The following GPD2 variants were observed in gnomAD, a reference collection of about 807,000 sequenced individuals.
The protein encoded by GPD2 is glycerol-3-phosphate dehydrogenase 2.
Under a neutral mutation model 82.4 loss-of-function variants are expected in GPD2, and 54 were observed. That is an observed-to-expected ratio of 0.66 (90% CI 0.53 to 0.82). The LOEUF (loss-of-function observed/expected upper bound fraction) is 0.82, where lower values mean the gene tolerates loss of function less well. GPD2 is among the 40% of genes least tolerant of loss of function. The pLI is 0.00. For synonymous variants in GPD2, 288 were observed against 306.1 expected (o/e 0.94, Z 0.62); for missense variants, 748 against 896.2 (o/e 0.83, Z 2.11).
intron 6 of GPD2, among the ~76,000 whole-genome samples, chr2:156,537,853 T>C (rs2105316893): frequency 6.6e-6 from 1 of 152,364 alleles, no homozygotes; most frequent in East Asian, 1.9e-4. Flanking sequence ...TCAAACTGTT[T>C]AGAATATTAG....
At chr2:156,520,927 G>C (rs564718217) in intron 6 of GPD2, among the ~76,000 whole-genome samples, 1 of 152,194 alleles carries the variant, frequency 6.6e-6, no homozygotes, top group South Asian at 2.1e-4. Context: ...ATTATGTGAT[G>C]GTTACATAAG....
intron 1 of GPD2, among the ~76,000 whole-genome samples, chr2:156,458,936 T>C (rs1052156141): frequency 6.6e-6 from 1 of 152,120 alleles, no homozygotes; most frequent in African/African-American, 2.4e-5. Context: ...TTTAACATTT[T>C]GGGGTATATT....
At chr2:156,542,366 C>T (rs1686354308) in intron 6 of GPD2, among the ~76,000 whole-genome samples, 1 of 152,172 alleles carries the variant, frequency 6.6e-6, no homozygotes, top group African/African-American at 2.4e-5. Context: ...AAAATGATTA[C>T]ATGCTCACTG....
chr2:156,427,369 C>A, the GPD2 span, among the ~76,000 whole-genome samples: 1 of 152,202 alleles, frequency 6.6e-6, no homozygotes, highest in Admixed American at 6.5e-5. Flanking sequence ...CTGAAGTATT[C>A]TTTTGCTAAG....
chr2:156,525,786 A>T (rs917896567), intron 6 of GPD2, among the ~76,000 whole-genome samples: 1 of 152,194 alleles, frequency 6.6e-6, no homozygotes, highest in Non-Finnish European at 1.5e-5. Flanking sequence ...ATGATTAGGA[A>T]TTTATTTTTT....
At chr2:156,545,491 C>A (rs1339102466) in intron 6 of GPD2, among the ~76,000 whole-genome samples, 2 of 152,202 alleles carry the variant, frequency 1.3e-5, no homozygotes, top group Admixed American at 1.3e-4. Context: ...ATATTCTCAA[C>A]ATTTCAACAG....
chr2:156,521,182 C>T (rs1270183279), intron 6 of GPD2, among the ~76,000 whole-genome samples: 1 of 152,084 alleles, frequency 6.6e-6, no homozygotes, highest in African/African-American at 2.4e-5. Flanking sequence ...TAAAACACAG[C>T]ATTGAAAGTG....
At chr2:156,443,471 T>C (rs1682249875) in intron 1 of GPD2, among the ~76,000 whole-genome samples, 2 of 152,214 alleles carry the variant, frequency 1.3e-5, no homozygotes, top group South Asian at 2.1e-4. Context: ...CTGGGTGTGA[T>C]TGGACACCAG....
Position 156,585,656 on chromosome 2 carries a change from C to T in GPD2, c.*2738C>T, listed in dbSNP as rs1007183954. The T allele has an allele frequency of 5.2e-5, 8 of 152,526 alleles. No individual in the cohort carries two copies. The highest frequency in any genetic ancestry group is 1.9e-4 in the African/African-American group (8 of 41,540). The allele number at this position is 152,526 out of a possible 1,614,324, so 9.4% of individuals were successfully genotyped here. On this transcript the variant is annotated 3_prime_UTR_variant, in exon 17 of 17. Coordinates refer to ENST00000438166, the MANE Select transcript of GPD2 (RefSeq NM_000408.5). The stretch of plus-strand genomic sequence containing the variant: ...GCTTTGTCTGTTTCAAAATATGTAG[C>T]TTCCTCTTTTGTACAACAAAAAACT...
At chr2:156,459,686 CAAAAAAAAAAAAAAAAAAAAA>C (rs564494059) in intron 1 of GPD2, among the ~76,000 whole-genome samples, 3 of 38,788 alleles carry the variant, frequency 7.7e-5, no homozygotes. Flanking sequence ...GACTCCGTCT[CAAAAAAAAAAAAAAAAAAAAA>C]AAGAAAGAAA....
intron 1 of GPD2, among the ~76,000 whole-genome samples, chr2:156,443,922 A>G (rs1682265935): frequency 6.6e-6 from 1 of 152,164 alleles, no homozygotes; most frequent in East Asian, 1.9e-4. Context: ...GTTGGATTCT[A>G]TGGGGACAGC....
chr2:156,457,772 C>T (rs772033675), intron 1 of GPD2, among the ~76,000 whole-genome samples: 45 of 152,170 alleles, frequency 3.0e-4, no homozygotes, highest in Admixed American at 5.9e-4. Flanking sequence ...CCCAATTCCA[C>T]GTGCAAATGT....
At chr2:156,516,861 T>C (rs557062265) in intron 6 of GPD2, among the ~76,000 whole-genome samples, 1 of 152,250 alleles carries the variant, frequency 6.6e-6, no homozygotes, top group Non-Finnish European at 1.5e-5. Flanking sequence ...TGTGAAAATA[T>C]AGTGGGACAA....
intron 2 of GPD2, among the ~76,000 whole-genome samples, chr2:156,490,167 C>T (rs578115045): frequency 6.6e-5 from 10 of 152,166 alleles, no homozygotes; most frequent in African/African-American, 2.2e-4. Context: ...TGTGTTGTTA[C>T]CTGTTTTATT....
At chr2:156,424,196 A>C in the GPD2 span, among the ~76,000 whole-genome samples, 1 of 33,326 alleles carries the variant, frequency 3.0e-5, no homozygotes, top group Admixed American at 5.1e-4. Context: ...CCAGCCATTA[A>C]ATAAGGAAAA....
intron 6 of GPD2, among the ~76,000 whole-genome samples, chr2:156,522,408 C>T (rs1403966952): frequency 6.6e-6 from 1 of 152,186 alleles, no homozygotes; most frequent in African/African-American, 2.4e-5. Flanking sequence ...GTTGTTTGAA[C>T]AGATAGTTCT....
intron 9 of GPD2, among the ~76,000 whole-genome samples, chr2:156,565,340 A>G (rs1275897153): frequency 6.6e-6 from 1 of 152,064 alleles, no homozygotes; most frequent in African/African-American, 2.4e-5. Flanking sequence ...GTAATTTCCT[A>G]GTTAGGTTTT....
chr2:156,553,884 G>A (rs1686861553), intron 8 of GPD2, among the ~76,000 whole-genome samples: 1 of 152,154 alleles, frequency 6.6e-6, no homozygotes, highest in Non-Finnish European at 1.5e-5. Flanking sequence ...AAGCATGAAG[G>A]TGTTAGTTAC....
At chr2:156,516,523 C>G (rs1685201521) in intron 6 of GPD2, among the ~76,000 whole-genome samples, 1 of 152,182 alleles carries the variant, frequency 6.6e-6, no homozygotes, top group Non-Finnish European at 1.5e-5. Context: ...CCCACAGCCT[C>G]TAATCTCCGG....
Sources: allele counts gnomAD v4.1 joint callset (sites outside exome capture counted in the v4.1 genomes callset), GRCh38; gene constraint gnomAD v4.1.1; transcripts MANE v1.5; gene names NCBI Gene and HGNC (gene_info 2026-07-23, HGNC 2026-07-21).